Variants in ARL14EP observed in about 807,000 individuals in gnomAD.
ARL14EP encodes the protein ARF like GTPase 14 effector protein.
A neutral mutation model predicts 23.1 loss-of-function variants in ARL14EP; 12 were observed. That is an observed-to-expected ratio of 0.52 (90% CI 0.33 to 0.84). ARL14EP has a LOEUF of 0.84. Among genes scored for constraint, ARL14EP ranks in the 40% least tolerant of loss-of-function variants. ARL14EP has a pLI of 0.02. For synonymous variants in ARL14EP, 97 were observed against 102.0 expected, an observed-to-expected ratio of 0.95 and a Z score of 0.29; for missense variants, 253 against 307.3, an observed-to-expected ratio of 0.82 and a Z score of 1.32.
intron 2 of ARL14EP, 121 bp downstream of exon 2, chr11:30,331,495 A>C: frequency 6.6e-7 from 1 of 1,522,698 alleles, no homozygotes; most frequent in South Asian, 1.3e-5. Flanking sequence ...AATTAAAAGG[A>C]GGGGTGAAAG....
intron 1 of ARL14EP, among the ~76,000 whole-genome samples, chr11:30,325,053 A>C (rs1356641207): frequency 6.6e-6 from 1 of 152,238 alleles, no homozygotes; most frequent in African/African-American, 2.4e-5. Context: ...AAGGGTTATC[A>C]CAAAAGGAGA....
chr11:30,332,186 CA>C (rs1297231682), intron 2 of ARL14EP, among the ~76,000 whole-genome samples: 2 of 151,300 alleles, frequency 1.3e-5, no homozygotes, highest in Non-Finnish European at 2.9e-5. Flanking sequence ...TTTATTAAAC[CA>C]AGTTAAAAGA....
At chr11:30,327,805 A>AG (rs1398193013) in intron 1 of ARL14EP, among the ~76,000 whole-genome samples, 1 of 149,402 alleles carries the variant, frequency 6.7e-6, no homozygotes, top group Non-Finnish European at 1.5e-5. Context: ...AAAAATACAA[A>AG]AAAAAAAAAA....
chr11:30,334,749 C>A (rs543369230), intron 3 of ARL14EP, among the ~76,000 whole-genome samples: 1 of 152,298 alleles, frequency 6.6e-6, no homozygotes, highest in East Asian at 1.9e-4. Flanking sequence ...GGCAGCATAT[C>A]TGTTTACAGC....
rs149022822 is a variant in ARL14EP, at chr11:30,326,489, T to C, written c.-64+3287T>C. On this transcript the variant is annotated intron_variant, in intron 1 of 3. Transcript: ENST00000282032. ...GGACTGTCATTTGAAGAAAACAAAA[T>C]ATAAACTGTAGGCCACATTGCCAGA... Among the ~76,000 whole-genome samples, 143 of 152,170 alleles carry C rather than the reference T, an allele frequency of 9.4e-4. 1 individual carries two copies. Among genetic ancestry groups the C allele is most frequent in the African/African-American group, 3.2e-3 (132 of 41,518 alleles).
chr11:30,330,838 T>G, intron 1 of ARL14EP, 48 bp from the exon 2 acceptor site: 1 of 1,010,782 alleles, frequency 9.9e-7, no homozygotes, highest in Non-Finnish European at 1.5e-6. Flanking sequence ...TTCAGTTTCC[T>G]AGATAAACTT....
At chr11:30,326,914 G>A (rs776663813) in intron 1 of ARL14EP, among the ~76,000 whole-genome samples, 18 of 152,170 alleles carry the variant, frequency 1.2e-4, no homozygotes, top group Non-Finnish European at 2.1e-4. Flanking sequence ...TATCACAGTT[G>A]GCAATGTCTT....
chr11:30,327,216 G>T (rs569900774), intron 1 of ARL14EP, among the ~76,000 whole-genome samples: 1 of 152,202 alleles, frequency 6.6e-6, no homozygotes, highest in South Asian at 2.1e-4. Flanking sequence ...AACTTCACTG[G>T]CACAAGTTAC....
chr11:30,328,879 G>A (rs925081372), intron 1 of ARL14EP: 1 of 151,842 alleles, frequency 6.6e-6, no homozygotes, highest in Non-Finnish European at 1.5e-5. Flanking sequence ...TCAGATTTCA[G>A]TGGTTCACAT....
chr11:30,337,980 G>A lies in ARL14EP; in HGVS notation c.*1185G>A, dbSNP rs564837459. ...TTAATATTTGAGCAGAACCTTAAAG[G>A]TCATGGAACAATCATCATTTTCCCT... On this transcript the variant is annotated 3_prime_UTR_variant, in exon 4 of 4. Transcript: ENST00000282032. 1.3e-5 allele frequency: 2 copies of A among 152,184 alleles called. No individual in the cohort carries two copies. Among genetic ancestry groups the A allele is most frequent in the African/African-American group, 4.8e-5 (2 of 41,504 alleles). The allele number at this position is 152,184 out of a possible 1,614,324, so 9.4% of individuals were successfully genotyped here.
At chr11:30,331,639 A>G in intron 2 of ARL14EP, 1 of 1,299,678 alleles carries the variant, frequency 7.7e-7, no homozygotes, top group Non-Finnish European at 9.8e-7. Flanking sequence ...AGACTTTAGG[A>G]GTGGGTTTTA....
In ARL14EP at chr11:30,331,257, T is replaced by C; in HGVS notation, c.309T>C (p.Ala103=). The stretch of plus-strand genomic sequence containing the variant: ...TAGATGATGCCACTTTTCTGAGTGC[T>C]AAATTTGGAAGACAGCTTGTACCTG... ...IDLDDATFLS[A]KFGRQLVPGW... is the part of the protein sequence containing the mutation. Residue 103 remains alanine, a synonymous_variant, in exon 2 of 4, where the codon GCT becomes GCC. Coordinates refer to ENST00000282032, the MANE Select transcript of ARL14EP (RefSeq NM_152316.3). The C allele has an allele frequency of 1.9e-6, 3 of 1,614,024 alleles. No homozygotes were observed. The highest frequency in any genetic ancestry group is 2.5e-6 in the Non-Finnish European group (3 of 1,179,900).
chr11:30,334,768 T>C (rs959325180), intron 3 of ARL14EP, among the ~76,000 whole-genome samples: 4 of 152,210 alleles, frequency 2.6e-5, no homozygotes, highest in African/African-American at 4.8e-5. Context: ...GCATTGTTCA[T>C]TGAATATTTT....
Position 30,332,168 on chromosome 11 carries a change from T to A in ARL14EP, c.427-698T>A, listed in dbSNP as rs147418000. 4.1e-4 allele frequency among the ~76,000 whole-genome samples: 63 copies of A among 152,130 alleles called. No homozygotes were observed. In the East Asian group the frequency reaches 0.011, roughly 27 times the overall value. Reference sequence around the variant, plus strand: ...TACTGCTGGAATATTTTTCTCAGTTTTCTCCTTTTTATTAAACCAAGTTAA... The same window carrying A: ...TACTGCTGGAATATTTTTCTCAGTTATCTCCTTTTTATTAAACCAAGTTAA... On this transcript the variant is annotated intron_variant, in intron 2 of 3. Coordinates refer to ENST00000282032, the MANE Select transcript of ARL14EP (RefSeq NM_152316.3).
In ARL14EP at chr11:30,337,859, T is replaced by C. The variant is rs1947346260; in HGVS notation, c.*1064T>C. 1 of 152,224 alleles carries C rather than the reference T, an allele frequency of 6.6e-6. No individual in the cohort carries two copies. The highest frequency in any genetic ancestry group is 2.4e-5 in the African/African-American group (1 of 41,446). The allele number at this position is 152,224 out of a possible 1,614,324, so 9.4% of individuals were successfully genotyped here. ...TTGTTTTTACAATGAAATAAAACACTTTAATTCTATTTCTAATGTTTTAAA... is the reference window on the plus strand; with the variant it reads ...TTGTTTTTACAATGAAATAAAACACCTTAATTCTATTTCTAATGTTTTAAA... On this transcript the variant is annotated 3_prime_UTR_variant, in exon 4 of 4. Coordinates refer to ENST00000282032, the MANE Select transcript of ARL14EP (RefSeq NM_152316.3).
chr11:30,329,236 T>C (rs564041315), intron 1 of ARL14EP: 1 of 152,320 alleles, frequency 6.6e-6, no homozygotes, highest in South Asian at 2.1e-4. Flanking sequence ...TTACAACTTT[T>C]TTCACTTAAG....
chr11:30,329,413 A>G (rs1226294181), intron 1 of ARL14EP: 1 of 152,162 alleles, frequency 6.6e-6, no homozygotes, highest in African/African-American at 2.4e-5. Context: ...GTTTTCGTAT[A>G]TAACTTGTGC....
At chr11:30,335,722 G>A (rs916687114) in intron 3 of ARL14EP, among the ~76,000 whole-genome samples, 8 of 151,714 alleles carry the variant, frequency 5.3e-5, no homozygotes, top group Admixed American at 5.3e-4. Context: ...ATAGGCTATA[G>A]TGTAAGCTTA....
chr11:30,330,897 C>G lies in ARL14EP; in HGVS notation c.-52C>G. On this transcript the variant is annotated 5_prime_UTR_variant, in exon 2 of 4. Transcript: ENST00000282032. ...AATATTTTCTCTAGGGTGATCAGCC[C>G]ATGACCTAAACCTCCAGACAAAATA... 1 of 1,551,208 alleles carries G rather than the reference C, an allele frequency of 6.4e-7. No homozygotes were observed. The highest frequency in any genetic ancestry group is 8.8e-7 in the Non-Finnish European group (1 of 1,131,502).
Sources: allele counts gnomAD v4.1 joint callset (sites outside exome capture counted in the v4.1 genomes callset), GRCh38; gene constraint gnomAD v4.1.1; transcripts MANE v1.5; gene names NCBI Gene and HGNC (gene_info 2026-07-23, HGNC 2026-07-21).